The following TREM1 variants were observed in gnomAD, a reference collection of about 807,000 sequenced individuals.
TREM1 encodes the protein triggering receptor expressed on myeloid cells 1, also known as triggering receptor expressed on monocytes 1.
TREM1 carries 16 observed loss-of-function variants against 22.4 expected under a neutral mutation model. The ratio of observed to expected loss-of-function variants is 0.71; its 90% CI spans 0.48 to 1.08. The LOEUF (loss-of-function observed/expected upper bound fraction) is 1.08. Among genes scored for constraint, TREM1 ranks in the 50% least tolerant of loss-of-function variants. The pLI is 0.00. For synonymous variants in TREM1, 110 were observed against 111.6 expected, an observed-to-expected ratio of 0.99 and a Z score of 0.09; for missense variants, 283 against 282.9, an observed-to-expected ratio of 1.00 and a Z score of 0.00.
At chr6:41,281,244 A>G (rs774436490) in intron 2 of TREM1, 91 bp from the exon 3 acceptor site, 2 of 1,432,882 alleles carry the variant, frequency 1.4e-6, no homozygotes, top group Non-Finnish European at 1.9e-6. Context: ...GTATGGATGA[A>G]AATGTGGATG....
At chr6:41,277,158 C>T (rs1767703353) in intron 3 of TREM1, among the ~76,000 whole-genome samples, 1 of 151,902 alleles carries the variant, frequency 6.6e-6, no homozygotes, top group African/African-American at 2.4e-5. Flanking sequence ...TTAAAATCAA[C>T]ACACCCACCT....
chr6:41,285,440 C>G (rs534915441), intron 1 of TREM1, among the ~76,000 whole-genome samples: 9 of 152,186 alleles, frequency 5.9e-5, no homozygotes, highest in Non-Finnish European at 1.3e-4. Flanking sequence ...TGCCCAAAGT[C>G]TCACCATAGT....
In TREM1 at chr6:41,274,619, G is replaced by A. The variant is rs1399996184; in HGVS notation, c.*1506C>T. Among the ~76,000 whole-genome samples the A allele has an allele frequency of 6.6e-6, 1 of 152,102 alleles. No homozygotes were observed. Among genetic ancestry groups the A allele is most frequent in the Non-Finnish European group, 1.5e-5 (1 of 68,026 alleles). On this transcript the variant is annotated 3_prime_UTR_variant, in exon 4 of 4. Transcript: ENST00000244709. ...AGTGCGTCTGCAAAGATTCTCACCA[G>A]AGCATCAGGATGAAATAAATGCCCA...
chr6:41,285,979 G>A (rs921800363), intron 1 of TREM1, among the ~76,000 whole-genome samples: 8 of 152,192 alleles, frequency 5.3e-5, no homozygotes, highest in South Asian at 2.1e-4. Context: ...AATAAAGCCC[G>A]CATGCTTCTG....
chr6:41,277,303 A>G (rs1767709853), intron 3 of TREM1, among the ~76,000 whole-genome samples: 1 of 150,600 alleles, frequency 6.6e-6, no homozygotes, highest in Non-Finnish European at 1.5e-5. Context: ...AGGGGACTAC[A>G]TTCCCAAGCC....
chr6:41,269,948 T>A (rs1471539092), downstream of TREM1: 1 of 152,254 alleles, frequency 6.6e-6, no homozygotes, highest in Non-Finnish European at 1.5e-5. Context: ...CATGCACTAA[T>A]ACGCCTCAAG....
At chr6:41,270,473 A>AT (rs1767451204), downstream of TREM1, among the ~76,000 whole-genome samples, 1 of 76,842 alleles carries the variant, frequency 1.3e-5, no homozygotes, top group South Asian at 4.0e-4. Flanking sequence ...ATATATATAT[A>AT]TATATATATC....
chr6:41,280,624 C>T lies in TREM1; in HGVS notation c.599+337G>A. The T allele has an allele frequency of 5.2e-6, 7 of 1,344,994 alleles. No homozygotes were observed. The South Asian group carries it at 1.2e-4, about 23-fold the overall frequency. 83.3% of individuals were successfully genotyped at this position (1,344,994 alleles called of 1,614,324 possible). ...TCAGGCCAACACTAGATCCAGGGCC[C>T]CTCACTCAGAGTGCTTTCCCACTGC... On this transcript the variant is annotated intron_variant, in intron 3 of 3. Coordinates refer to ENST00000244709, the MANE Select transcript of TREM1 (RefSeq NM_018643.5).
intron 3 of TREM1, chr6:41,280,293 A>C (rs2113984941): frequency 1.0e-6 from 1 of 983,076 alleles, no homozygotes; most frequent in Admixed American, 6.1e-5. Context: ...GAAATTGCTA[A>C]GTTAGTGGTT....
downstream of TREM1, among the ~76,000 whole-genome samples, chr6:41,272,811 C>T (rs562872189): frequency 4.1e-4 from 63 of 152,254 alleles, no homozygotes; most frequent in Non-Finnish European, 4.9e-4. Flanking sequence ...GGATTGAAGT[C>T]CTACTGTGTG....
At chr6:41,268,910 G>A (rs1210284982), downstream of TREM1, among the ~76,000 whole-genome samples, 5 of 152,126 alleles carry the variant, frequency 3.3e-5, no homozygotes, top group Non-Finnish European at 5.9e-5. Context: ...TGTTTCTCAA[G>A]AACCGGGAAG....
chr6:41,283,719 A>T (rs9471533), intron 1 of TREM1, among the ~76,000 whole-genome samples: 21 of 146,940 alleles, frequency 1.4e-4, no homozygotes, highest in African/African-American at 4.6e-4. Context: ...TAAAAAAAAA[A>T]ACACACACAC....
Position 41,276,210 on chromosome 6 carries a change from A to G in TREM1, c.620T>C (p.Val207Ala), listed in dbSNP as rs1767661788. 6.2e-7 allele frequency: 1 copy of G among 1,613,982 alleles called. No homozygotes were observed. The highest frequency in any genetic ancestry group is 1.1e-5 in the South Asian group (1 of 91,080). Residue 207 changes from valine (V) to alanine (A), a missense_variant, in exon 4 of 4, where the codon GTC becomes GCC. Coordinates refer to ENST00000244709, the MANE Select transcript of TREM1 (RefSeq NM_018643.5). The part of the protein sequence containing the change: ...DIIRVPVFNI[V>A]ILLAGGFLSK... Reference sequence around the variant, plus strand: ...CAGGAATCCACCAGCCAGGAGAATGACAATGTTGAACACCGGAACCCTGCG... The same window carrying G: ...CAGGAATCCACCAGCCAGGAGAATGGCAATGTTGAACACCGGAACCCTGCG...
chr6:41,282,363 C>G lies in TREM1; in HGVS notation c.406+32G>C. ...ACCACTGCCCCTTTCCTCACCTGGC[C>G]CTTCTTTCCCCCCAAGTCCCAGGCC... On this transcript the variant is annotated intron_variant, in intron 2 of 3. Coordinates refer to ENST00000244709, the MANE Select transcript of TREM1 (RefSeq NM_018643.5). 1.9e-6 allele frequency: 3 copies of G among 1,547,754 alleles called. No individual in the cohort carries two copies. In the East Asian group the frequency reaches 6.8e-5, roughly 35 times the overall value.
At chr6:41,283,553 T>C (rs1361090553) in intron 1 of TREM1, among the ~76,000 whole-genome samples, 1 of 151,758 alleles carries the variant, frequency 6.6e-6, no homozygotes, top group Admixed American at 6.6e-5. Flanking sequence ...CTACTAAAAA[T>C]ACAAAAAAAT....
chr6:41,282,807 T>A, intron 1 of TREM1, 56 bp from the exon 2 acceptor site: 2 of 1,481,246 alleles, frequency 1.4e-6, no homozygotes, highest in Non-Finnish European at 1.8e-6. Context: ...TCTCTCTGAG[T>A]GGGGAAAAAG....
chr6:41,270,501 CA>C (rs1767453279), downstream of TREM1, among the ~76,000 whole-genome samples: 1 of 145,982 alleles, frequency 6.9e-6, no homozygotes, highest in Non-Finnish European at 1.5e-5. Flanking sequence ...GATTCCTACC[CA>C]TATGGAGCAA....
chr6:41,280,721 T>A, intron 3 of TREM1: 2 of 1,435,538 alleles, frequency 1.4e-6, no homozygotes, highest in Non-Finnish European at 1.8e-6. Flanking sequence ...TCTTTAATAC[T>A]CAGGTTGCAA....
In TREM1 at chr6:41,281,364, C is replaced by A. The variant is rs1227001947; in HGVS notation, c.407-211G>T. ...AGCCAAAGAAATACTGTGGAGTCAA[C>A]CTGAGTCAGAAATCGAAAAAAGGAA... On this transcript the variant is annotated intron_variant, in intron 2 of 3. Transcript: ENST00000244709. The A allele has an allele frequency of 7.3e-6, 4 of 546,520 alleles. No homozygotes were observed. In the East Asian group the frequency reaches 9.1e-5, roughly 12 times the overall value. The allele number at this position is 546,520 out of a possible 1,614,324, so 33.9% of individuals were successfully genotyped here.
Sources: allele counts gnomAD v4.1 joint callset (sites outside exome capture counted in the v4.1 genomes callset), GRCh38; gene constraint gnomAD v4.1.1; transcripts MANE v1.5; gene names NCBI Gene and HGNC (gene_info 2026-07-23, HGNC 2026-07-21).